Variants in DLGAP1 observed in about 807,000 individuals in gnomAD.
DLGAP1 encodes disks large-associated protein 1.
DLGAP1 carries 11 observed loss-of-function variants against 90.8 expected under a neutral mutation model. The observed-to-expected ratio is 0.12, with a 90% CI of 0.08 to 0.20. The LOEUF (loss-of-function observed/expected upper bound fraction) is 0.20. Ranked by LOEUF, DLGAP1 falls within the 10% of genes least tolerant of loss-of-function variation. The probability of loss-of-function intolerance (pLI) is 1.00; values close to 1 mark genes in which losing one functional copy is unlikely to be tolerated. For synonymous variants in DLGAP1, 558 were observed against 540.7 expected (o/e 1.03, Z -0.44); for missense variants, 1,050 against 1,333.8 (o/e 0.79, Z 3.31).
At chr18:4,184,119 A>G (rs2077251520) in intron 1 of DLGAP1, among the ~76,000 whole-genome samples, 1 of 152,142 alleles carries the variant, frequency 6.6e-6, no homozygotes, top group South Asian at 2.1e-4. Flanking sequence ...AAAAGGAAAC[A>G]TTTTCTTTTC....
At chr18:3,550,156 C>T (rs1277701431) in intron 9 of DLGAP1, among the ~76,000 whole-genome samples, 1 of 152,068 alleles carries the variant, frequency 6.6e-6, no homozygotes, top group Non-Finnish European at 1.5e-5. Flanking sequence ...TCGTGATCCA[C>T]CTGCCTCGGC....
At chr18:3,800,443 T>C (rs898110638) in intron 5 of DLGAP1, among the ~76,000 whole-genome samples, 1 of 152,254 alleles carries the variant, frequency 6.6e-6, no homozygotes, top group Non-Finnish European at 1.5e-5. Flanking sequence ...AATGGAATAC[T>C]TTGCCATTGT....
chr18:3,791,533 C>T (rs1451432730), intron 5 of DLGAP1, among the ~76,000 whole-genome samples: 1 of 150,850 alleles, frequency 6.6e-6, no homozygotes, highest in African/African-American at 2.4e-5. Flanking sequence ...TGTGTGTGTG[C>T]ACGCATGTGT....
At chr18:4,352,150 G>A (rs2081416302) in intron 1 of DLGAP1, among the ~76,000 whole-genome samples, 1 of 152,154 alleles carries the variant, frequency 6.6e-6, no homozygotes, top group African/African-American at 2.4e-5. Context: ...ACACCTTTCT[G>A]TCTCCTGCCA....
chr18:3,942,980 T>C (rs561200290), intron 3 of DLGAP1, among the ~76,000 whole-genome samples: 3 of 152,070 alleles, frequency 2.0e-5, no homozygotes, highest in East Asian at 3.9e-4. Context: ...TTTTTTTTTT[T>C]CCACCTAAGC....
chr18:3,899,965 A>T (rs2148878269), intron 3 of DLGAP1, among the ~76,000 whole-genome samples: 1 of 152,346 alleles, frequency 6.6e-6, no homozygotes. Context: ...ATGGCTCTGC[A>T]TCATGGCATA....
At chr18:3,890,347 A>G (rs1478832421) in intron 3 of DLGAP1, among the ~76,000 whole-genome samples, 2 of 152,244 alleles carry the variant, frequency 1.3e-5, no homozygotes, top group African/African-American at 4.8e-5. Flanking sequence ...AGTGAGAAGG[A>G]CAATCTCTGC....
chr18:3,558,453 G>A (rs919691481), intron 9 of DLGAP1, among the ~76,000 whole-genome samples: 1 of 152,074 alleles, frequency 6.6e-6, no homozygotes, highest in African/African-American at 2.4e-5. Flanking sequence ...GGCTGGTCTT[G>A]AACTCCTGAC....
At chr18:3,528,451 C>G (rs1391121660) in intron 10 of DLGAP1, among the ~76,000 whole-genome samples, 1 of 152,190 alleles carries the variant, frequency 6.6e-6, no homozygotes, top group Non-Finnish European at 1.5e-5. Context: ...GAGTCAGGGA[C>G]AGATCTGCAT....
chr18:4,444,548 G>A (rs2083614829), intron 1 of DLGAP1, among the ~76,000 whole-genome samples: 1 of 152,136 alleles, frequency 6.6e-6, no homozygotes, highest in Admixed American at 6.5e-5. Context: ...AGGTTGCTCA[G>A]TAAATATCAG....
chr18:4,371,076 C>T (rs1332293563), intron 1 of DLGAP1, among the ~76,000 whole-genome samples: 3 of 152,128 alleles, frequency 2.0e-5, no homozygotes, highest in Non-Finnish European at 4.4e-5. Context: ...GTAGCATGAC[C>T]AGTAGAGAAG....
intron 2 of DLGAP1, among the ~76,000 whole-genome samples, chr18:4,134,325 C>G (rs572971893): frequency 1.3e-5 from 2 of 152,020 alleles, no homozygotes; most frequent in African/African-American, 4.8e-5. Flanking sequence ...TTAACTGCCT[C>G]CCTGGGGCGG....
intron 2 of DLGAP1, among the ~76,000 whole-genome samples, chr18:4,135,939 T>C (rs1156305096): frequency 6.6e-6 from 1 of 152,044 alleles, no homozygotes; most frequent in Non-Finnish European, 1.5e-5. Flanking sequence ...TACATATGTA[T>C]ACCTGTGCCA....
At chr18:4,025,025 T>C (rs2074676136) in intron 2 of DLGAP1, among the ~76,000 whole-genome samples, 1 of 152,190 alleles carries the variant, frequency 6.6e-6, no homozygotes, top group Non-Finnish European at 1.5e-5. Flanking sequence ...CTACCTGCCC[T>C]CTGTCCTCCT....
chr18:3,499,162 G>T lies in DLGAP1; in HGVS notation c.*23C>A. On this transcript the variant is annotated 3_prime_UTR_variant, in exon 13 of 13. Coordinates refer to ENST00000315677, the MANE Select transcript of DLGAP1 (RefSeq NM_004746.4). This position sits in a 1 kb window ranked among gnomAD's most constrained non-coding sequence, Gnocchi z 6.4. The stretch of plus-strand genomic sequence containing the variant: ...GGGAGGAGGGGACAGATGCTTGGCG[G>T]CGGCGGCCGGGCTGCGGGGCGCTCA... 1 of 1,531,180 alleles carries T rather than the reference G, an allele frequency of 6.5e-7. No homozygotes were observed. Among genetic ancestry groups the T allele is most frequent in the African/African-American group, 1.4e-5 (1 of 70,530 alleles). The allele number at this position is 1,531,180 out of a possible 1,614,324, so 94.8% of individuals were successfully genotyped here. A position where few individuals can be genotyped will look rare whatever the true frequency, so the allele number is the denominator to read the frequency against.
At chr18:4,079,226 G>A (rs1183035925) in intron 2 of DLGAP1, among the ~76,000 whole-genome samples, 1 of 145,616 alleles carries the variant, frequency 6.9e-6, no homozygotes. Flanking sequence ...AGACAGAAAA[G>A]CAATGTGAGC....
At chr18:3,848,722 T>C (rs2069165695) in intron 4 of DLGAP1, among the ~76,000 whole-genome samples, 1 of 152,116 alleles carries the variant, frequency 6.6e-6, no homozygotes, top group Admixed American at 6.5e-5. Context: ...AGATATTGAT[T>C]TGGAATCTCC....
At chr18:3,931,146 A>G (rs188860448) in intron 3 of DLGAP1, among the ~76,000 whole-genome samples, 1 of 152,214 alleles carries the variant, frequency 6.6e-6, no homozygotes, top group Admixed American at 6.5e-5. Flanking sequence ...GACTTGCCAC[A>G]TATATGCTGC....
chr18:3,671,322 CA>C (rs1237683648), intron 7 of DLGAP1, among the ~76,000 whole-genome samples: 2 of 152,048 alleles, frequency 1.3e-5, no homozygotes, highest in Non-Finnish European at 2.9e-5. Flanking sequence ...GTACTTGTAG[CA>C]ACTGTAAACA....
Sources: allele counts gnomAD v4.1 joint callset (sites outside exome capture counted in the v4.1 genomes callset), GRCh38; gene constraint gnomAD v4.1.1; non-coding constraint Gnocchi (gnomAD v3.1); transcripts MANE v1.5; gene names NCBI Gene and HGNC (gene_info 2026-07-23, HGNC 2026-07-21).